Variants in AK7 observed in about 807,000 individuals in gnomAD.
The protein encoded by AK7 is adenylate kinase 7.
Under a neutral mutation model 96.6 loss-of-function variants are expected in AK7, and 78 were observed. The observed-to-expected ratio is 0.81, with a 90% CI of 0.67 to 0.97. The LOEUF (loss-of-function observed/expected upper bound fraction) is 0.97, where lower values mean the gene tolerates loss of function less well. Ranked by LOEUF, AK7 falls within the 50% of genes least tolerant of loss-of-function variation. AK7 has a pLI of 0.00. For synonymous variants in AK7, 302 were observed against 317.2 expected, an observed-to-expected ratio of 0.95 and a Z score of 0.51; for missense variants, 855 against 887.9, an observed-to-expected ratio of 0.96 and a Z score of 0.47.
At chr14:96,403,114 TTAAATAAA>T (rs59930782) in intron 2 of AK7, among the ~76,000 whole-genome samples, 23,044 of 140,268 alleles carry the variant, frequency 0.16, 1,944 homozygotes, top group Non-Finnish European at 0.18. Flanking sequence ...AGACTCTGTC[TTAAATAAA>T]TAAATAAATA....
At chr14:96,445,968 T>C (rs1893208837) in intron 7 of AK7, among the ~76,000 whole-genome samples, 1 of 152,234 alleles carries the variant, frequency 6.6e-6, no homozygotes, top group African/African-American at 2.4e-5. Context: ...GGATCACACC[T>C]GTGCCACCCT....
At chr14:96,473,204 C>T (rs1178500738) in intron 14 of AK7, among the ~76,000 whole-genome samples, 1 of 149,924 alleles carries the variant, frequency 6.7e-6, no homozygotes, top group East Asian at 2.0e-4. Flanking sequence ...TGAGTCTTGC[C>T]CTGTTGCCCA....
At chr14:96,400,832 C>T (rs1890367299) in intron 2 of AK7, among the ~76,000 whole-genome samples, 1 of 152,208 alleles carries the variant, frequency 6.6e-6, no homozygotes, top group Non-Finnish European at 1.5e-5. Context: ...GAGTTAATTT[C>T]CCGCAGGCTG....
At chr14:96,419,539 C>T (rs916964118) in intron 4 of AK7, among the ~76,000 whole-genome samples, 32 of 151,980 alleles carry the variant, frequency 2.1e-4, no homozygotes, top group Non-Finnish European at 4.4e-5. Context: ...GAGGCTAAGG[C>T]AGGAGGATCA....
chr14:96,411,154 A>G (rs1468278429), intron 4 of AK7, among the ~76,000 whole-genome samples: 1 of 152,210 alleles, frequency 6.6e-6, no homozygotes, highest in Non-Finnish European at 1.5e-5. Context: ...CATGCCACAC[A>G]CAAAGTCAAT....
chr14:96,465,452 A>G (rs1894509756), intron 12 of AK7, among the ~76,000 whole-genome samples: 1 of 150,388 alleles, frequency 6.6e-6, no homozygotes, highest in Non-Finnish European at 1.5e-5. Context: ...GACAGAGCGA[A>G]GACTCCGTTT....
intron 5 of AK7, chr14:96,423,642 T>C: frequency 1.7e-6 from 1 of 603,550 alleles, no homozygotes; most frequent in East Asian, 3.7e-5. Context: ...AGCACTGAAC[T>C]GGAGAACACA....
At chr14:96,475,846 G>GC (rs1377800925) in intron 14 of AK7, among the ~76,000 whole-genome samples, 2 of 152,096 alleles carry the variant, frequency 1.3e-5, no homozygotes, top group African/African-American at 4.8e-5. Flanking sequence ...GGGTGTGGTG[G>GC]CATGTGCCTG....
chr14:96,397,243 C>T (rs913574661), intron 1 of AK7, among the ~76,000 whole-genome samples: 2 of 152,026 alleles, frequency 1.3e-5, no homozygotes, highest in Admixed American at 6.6e-5. Flanking sequence ...GCATTAAATA[C>T]CACAGCATTT....
At chr14:96,412,716 C>A (rs1401103476) in intron 4 of AK7, among the ~76,000 whole-genome samples, 1 of 151,680 alleles carries the variant, frequency 6.6e-6, no homozygotes, top group Non-Finnish European at 1.5e-5. Context: ...CAGGCACATG[C>A]TACCACTCCT....
In AK7 at chr14:96,451,553, C is replaced by T. The variant is rs1477035307; in HGVS notation, c.1081C>T (p.Gln361Ter). The change falls in exon 10 of 18, where the codon CAA becomes TAA. Residue 361 changes from glutamine to a stop codon, truncating the protein, a stop_gained. Transcript: ENST00000267584. LOFTEE classifies it high-confidence loss of function. ...NINTILKEYK[Q>*]SRGLMPIKIC... ...CAACACTATCCTCAAGGAGTACAAG[C>T]AAAGCAGAGGATTGATGGTAACTAT... 6.5e-7 allele frequency: 1 copy of T among 1,549,164 alleles called. No individual in the cohort carries two copies. The highest frequency in any genetic ancestry group is 8.7e-7 in the Non-Finnish European group (1 of 1,143,174).
Position 96,456,434 on chromosome 14 carries a change from A to G in AK7, c.1186A>G (p.Ile396Val), listed in dbSNP as rs1274725882. The G allele has an allele frequency of 3.1e-6, 5 of 1,613,848 alleles. No individual in the cohort carries two copies. The highest frequency in any genetic ancestry group is 4.2e-6 in the Non-Finnish European group (5 of 1,179,910). The change falls in exon 11 of 18, where the codon ATC becomes GTC. Residue 396 changes from isoleucine (I) to valine (V), a missense_variant. Transcript: ENST00000267584. ...ELANYYKLHH[I>V]QLKDVISEAI... ...GGCCAACTACTACAAACTGCATCAC[A>G]TCCAACTGAAGGATGTCATTTCTGA...
intron 13 of AK7, among the ~76,000 whole-genome samples, chr14:96,472,025 A>G (rs1423872931): frequency 6.6e-6 from 1 of 151,862 alleles, no homozygotes; most frequent in East Asian, 1.9e-4. Flanking sequence ...CCTGGCAACC[A>G]CCATCCCACT....
chr14:96,408,838 G>A lies in AK7; in HGVS notation c.404-9G>A. 1 of 1,613,058 alleles carries A rather than the reference G, an allele frequency of 6.2e-7. No individual in the cohort carries two copies. Among genetic ancestry groups the A allele is most frequent in the South Asian group, 1.1e-5 (1 of 90,946 alleles). On this transcript the variant is annotated splice_polypyrimidine_tract_variant and intron_variant, in intron 3 of 17. Transcript: ENST00000267584. ...GTCCAAATAACCACTCTGCTTTTTG[G>A]CCCCACAGCACTCAGTGAAGAAGTC...
intron 8 of AK7, 61 bp downstream of exon 8, chr14:96,446,668 C>T (rs577518256): frequency 2.7e-5 from 40 of 1,493,478 alleles, no homozygotes; most frequent in South Asian, 1.6e-4. Context: ...TGGCTGGGCG[C>T]GGTGGCTCAT....
intron 4 of AK7, among the ~76,000 whole-genome samples, chr14:96,419,789 C>CTTTT (rs5810772): frequency 1.5e-5 from 2 of 134,106 alleles, no homozygotes; most frequent in African/African-American, 2.9e-5. Flanking sequence ...TCTTTCTTTT[C>CTTTT]TTTTTTTTTT....
intron 5 of AK7, 27 bp from the exon 6 acceptor site, chr14:96,437,807 CT>C (rs767437918): frequency 4.5e-5 from 69 of 1,517,206 alleles, no homozygotes; most frequent in Middle Eastern, 1.7e-4. Context: ...TTACATCCAG[CT>C]TTTTTTTTCT....
At chr14:96,471,456 T>C (rs776527967) in intron 12 of AK7, 22 bp from the exon 13 acceptor site, 53 of 1,288,888 alleles carry the variant, frequency 4.1e-5, no homozygotes, top group Middle Eastern at 2.1e-4. Context: ...AAGTAATATA[T>C]ACATATATGT....
chr14:96,435,084 G>A (rs977659063), intron 5 of AK7, among the ~76,000 whole-genome samples: 4 of 151,980 alleles, frequency 2.6e-5, no homozygotes, highest in Non-Finnish European at 5.9e-5. Flanking sequence ...AGCCTCCTTG[G>A]TGCTCTACCT....
Sources: gnomAD v4.1 joint callset for allele counts (sites outside exome capture counted in the v4.1 genomes callset) on GRCh38, gnomAD v4.1.1 for gene constraint, MANE v1.5 for transcripts, NCBI Gene and HGNC (gene_info 2026-07-23, HGNC 2026-07-21) for gene names.